Variants in CIAO2A observed in about 807,000 individuals in gnomAD.
CIAO2A encodes MIP18 family protein FAM96A.
A neutral mutation model predicts 22.4 loss-of-function variants in CIAO2A; 17 were observed. That is an observed-to-expected ratio of 0.76 (90% confidence interval 0.52 to 1.14). The LOEUF (loss-of-function observed/expected upper bound fraction) is 1.14, where lower values mean the gene tolerates loss of function less well. Among genes scored for constraint, CIAO2A ranks in the 50% most tolerant of loss-of-function variants. The pLI is 0.00. For synonymous variants in CIAO2A, 74 were observed against 72.3 expected (o/e 1.02, Z -0.12); for missense variants, 192 against 191.4 (o/e 1.00, Z -0.02).
chr15:64,085,538 G>A (rs1443921513), intron 2 of CIAO2A, among the ~76,000 whole-genome samples: 2 of 152,128 alleles, frequency 1.3e-5, no homozygotes, highest in South Asian at 2.1e-4. Flanking sequence ...AATATTTAAT[G>A]AGAAAAATAA....
chr15:64,089,748 C>A (rs558110966), intron 1 of CIAO2A, among the ~76,000 whole-genome samples: 1 of 152,256 alleles, frequency 6.6e-6, no homozygotes, highest in African/African-American at 2.4e-5. Context: ...GACTAAAAAG[C>A]AGAACCAATG....
At chr15:64,083,429 T>C (rs141010044) in intron 2 of CIAO2A, among the ~76,000 whole-genome samples, 269 of 152,274 alleles carry the variant, frequency 1.8e-3, no homozygotes, top group Non-Finnish European at 3.5e-3. Context: ...TCAACTTGTT[T>C]CCCTGCCTTA....
intron 1 of CIAO2A, among the ~76,000 whole-genome samples, chr15:64,089,452 T>TTGCGG (rs56681349): frequency 0.97 from 146,056 of 151,186 alleles, 70,714 homozygotes; most frequent in East Asian, 1. Context: ...GAGGCAGAGG[T>TTGCGG]TGAGAGCGGA....
At chr15:64,081,493 C>A (rs1211344913) in intron 2 of CIAO2A, among the ~76,000 whole-genome samples, 2 of 150,638 alleles carry the variant, frequency 1.3e-5, no homozygotes, top group Non-Finnish European at 3.0e-5. Context: ...ATTTTTACTA[C>A]ATCAGTTGGC....
At chr15:64,074,971 G>A (rs2080705799) in intron 4 of CIAO2A, 1 of 152,114 alleles carries the variant, frequency 6.6e-6, no homozygotes, top group Admixed American at 6.5e-5. Flanking sequence ...GGATCATACA[G>A]AACATTTTGT....
chr15:64,088,992 T>C, intron 1 of CIAO2A, 141 bp from the exon 2 acceptor site: 1 of 696,610 alleles, frequency 1.4e-6, no homozygotes, highest in South Asian at 2.1e-5. Flanking sequence ...CTGACAGAAA[T>C]TTTCACTACT....
intron 4 of CIAO2A, among the ~76,000 whole-genome samples, chr15:64,073,636 C>G (rs1477345921): frequency 6.6e-6 from 1 of 152,192 alleles, no homozygotes; most frequent in Non-Finnish European, 1.5e-5. Context: ...GGGTCCTGCT[C>G]TGTCATCCAG....
In CIAO2A at chr15:64,072,692, C is replaced by CTT. The variant is rs1485310600; in HGVS notation, c.*238_*239insAA. Reference sequence around the variant, plus strand: ...ATCAGAAAAATAGCAACTCATCTTGCACATAATAACTAGAAAATATTATTC... The same window carrying CTT: ...ATCAGAAAAATAGCAACTCATCTTGCTTACATAATAACTAGAAAATATTATTC... On this transcript the variant is annotated 3_prime_UTR_variant, in exon 5 of 5. Transcript: ENST00000300030. The CTT allele has an allele frequency of 5.8e-6, 2 of 344,950 alleles. No individual in the cohort carries two copies. The highest frequency in any genetic ancestry group is 4.7e-5 in the Admixed American group (1 of 21,274). 21.4% of individuals were successfully genotyped at this position (344,950 alleles called of 1,614,324 possible).
chr15:64,093,499 G>A, intron 1 of CIAO2A, 146 bp downstream of exon 1: 1 of 975,420 alleles, frequency 1.0e-6, no homozygotes, highest in South Asian at 2.0e-5. Context: ...CTACGCCCCG[G>A]ACAAGATCTG....
intron 2 of CIAO2A, among the ~76,000 whole-genome samples, chr15:64,088,200 C>G (rs1226406324): frequency 1.3e-5 from 2 of 152,156 alleles, no homozygotes; most frequent in Non-Finnish European, 2.9e-5. Flanking sequence ...GGACTTCTAC[C>G]CATACTATGT....
In CIAO2A at chr15:64,093,754, G is replaced by C; in HGVS notation, c.15C>G (p.Ser5=). The C allele has an allele frequency of 6.2e-7, 1 of 1,611,442 alleles. No homozygotes were observed. Among genetic ancestry groups the C allele is most frequent in the Non-Finnish European group, 8.5e-7 (1 of 1,177,810 alleles). The change falls in exon 1 of 5, where the codon TCC becomes TCG. Residue 5 remains serine, a synonymous_variant. Coordinates refer to ENST00000300030, the MANE Select transcript of CIAO2A (RefSeq NM_032231.7). ...TGCTCAGCGTCCAGGAGAGCAGCCC[G>C]GACACCCGCTGCATCTTCACGCTCA... MQRV[S]GLLSWTLSRV...
chr15:64,092,935 T>G (rs1215712075), intron 1 of CIAO2A, among the ~76,000 whole-genome samples: 1 of 152,250 alleles, frequency 6.6e-6, no homozygotes, highest in Non-Finnish European at 1.5e-5. Context: ...AGGCACAGCC[T>G]TTGCTTTTTG....
At chr15:64,087,962 G>A (rs1285065327) in intron 2 of CIAO2A, among the ~76,000 whole-genome samples, 1 of 152,092 alleles carries the variant, frequency 6.6e-6, no homozygotes, top group Non-Finnish European at 1.5e-5. Context: ...TTTCTTAACA[G>A]TATGTCATAG....
chr15:64,091,937 A>G (rs957322528), intron 1 of CIAO2A, among the ~76,000 whole-genome samples: 2 of 151,736 alleles, frequency 1.3e-5, no homozygotes, highest in Non-Finnish European at 2.9e-5. Context: ...GTGCATGCCT[A>G]TGGTCCCAGT....
chr15:64,081,536 T>A (rs1469187424), intron 2 of CIAO2A, among the ~76,000 whole-genome samples: 3 of 135,536 alleles, frequency 2.2e-5, no homozygotes, highest in Non-Finnish European at 3.2e-5. Context: ...TCATTAAGCC[T>A]TTTTTTTTTT....
Position 64,093,804 on chromosome 15 carries a change from C to T in CIAO2A, c.-36G>A, listed in dbSNP as rs768007165. 1.3e-6 allele frequency: 2 copies of T among 1,598,726 alleles called. No individual in the cohort carries two copies. The highest frequency in any genetic ancestry group is 1.3e-5 in the African/African-American group (1 of 74,506). ...AGCCATCCCTGGCGACTGTCCCAAT[C>T]GCGCCACCGTCTCTCAGCAGCCTCG... On this transcript the variant is annotated 5_prime_UTR_variant, in exon 1 of 5. Transcript: ENST00000300030.
Position 64,082,043 on chromosome 15 carries a change from C to T in CIAO2A, c.290-892G>A, listed in dbSNP as rs531635920. On this transcript the variant is annotated intron_variant, in intron 2 of 4. Coordinates refer to ENST00000300030, the MANE Select transcript of CIAO2A (RefSeq NM_032231.7). ...CCCATGCTAAGACACATCAACAAAA[C>T]CTCAAACCATACAGCAATACAGCAA... Among the ~76,000 whole-genome samples, 4 of 151,654 alleles carry T rather than the reference C, an allele frequency of 2.6e-5. No individual in the cohort carries two copies. In the East Asian group the frequency reaches 7.7e-4, roughly 29 times the overall value.
chr15:64,074,987 G>C (rs2080705977), intron 4 of CIAO2A: 1 of 151,786 alleles, frequency 6.6e-6, no homozygotes, highest in Admixed American at 6.6e-5. Context: ...TTTGTTTTTT[G>C]CTTTTCCCAA....
chr15:64,073,090 AT>A, intron 4 of CIAO2A, 62 bp from the exon 5 acceptor site: 1 of 1,115,898 alleles, frequency 9.0e-7, no homozygotes, highest in South Asian at 1.4e-5. Context: ...ACCAGACAGT[AT>A]TTTTATTAGC....
Sources: allele counts gnomAD v4.1 joint callset (sites outside exome capture counted in the v4.1 genomes callset), GRCh38; gene constraint gnomAD v4.1.1; transcripts MANE v1.5; gene names NCBI Gene and HGNC (gene_info 2026-07-23, HGNC 2026-07-21).